The following MAP3K12 variants were observed in gnomAD, a reference collection of about 807,000 sequenced individuals.
MAP3K12 encodes MAPK-upstream kinase.
A neutral mutation model predicts 87.5 loss-of-function variants in MAP3K12; 14 were observed. The ratio of observed to expected loss-of-function variants is 0.16; its 90% CI spans 0.11 to 0.25. MAP3K12 has a LOEUF of 0.25. MAP3K12 is among the 10% of genes least tolerant of loss of function. The probability of loss-of-function intolerance (pLI) is 1.00; values close to 1 mark genes in which losing one functional copy is unlikely to be tolerated. For synonymous variants in MAP3K12, 469 were observed against 452.5 expected (o/e 1.04, Z -0.46); for missense variants, 802 against 1,140.4 (o/e 0.70, Z 4.27).
rs1242814035 is a variant in MAP3K12, at chr12:53,486,669, T to A, written c.446-47A>T. ...CCACAAGCCTCAGAAAGAGCCACAC[T>A]CAAGGCCAGGGACAGGATAGCATTG... On this transcript the variant is annotated intron_variant, in intron 2 of 13. Transcript: ENST00000547488. This position sits in a 1 kb window ranked among gnomAD's most constrained non-coding sequence, Gnocchi z 4.9. 6 of 1,521,250 alleles carry A rather than the reference T, an allele frequency of 3.9e-6. No homozygotes were observed. Among genetic ancestry groups the A allele is most frequent in the Middle Eastern group, 1.8e-4 (1 of 5,518 alleles). The allele number at this position is 1,521,250 out of a possible 1,614,324, so 94.2% of individuals were successfully genotyped here.
At chr12:53,481,720 A>C in intron 13 of MAP3K12, 2 of 543,130 alleles carry the variant, frequency 3.7e-6, no homozygotes, top group Non-Finnish European at 6.5e-6. Context: ...TCCTTTCAGA[A>C]TCATTCCCTG....
At chr12:53,501,417 A>G (rs1158215824), upstream of MAP3K12, 2 of 1,566,480 alleles carry the variant, frequency 1.3e-6, no homozygotes, top group Non-Finnish European at 1.7e-6. Context: ...GAATGAGTGA[A>G]GAGGAGCAAG....
At position 53,483,600 on chromosome 12, in the gene MAP3K12, G is replaced by A. The variant is rs781377164; in HGVS notation, c.1475+7C>T. 3 of 1,613,744 alleles carry A rather than the reference G, an allele frequency of 1.9e-6. No individual in the cohort carries two copies. In the African/African-American group the frequency reaches 4.0e-5, roughly 22 times the overall value. On this transcript the variant is annotated splice_region_variant and intron_variant, in intron 9 of 13. Coordinates refer to ENST00000547488, the MANE Select transcript of MAP3K12 (RefSeq NM_001193511.2). ...AGGGCTTGGTGCATAAGGACAGGTA[G>A]GGTTACCTGAGCAGCTCCCTCTCCT...
Position 53,486,832 on chromosome 12 carries a change from G to A in MAP3K12, c.445+115C>T, listed in dbSNP as rs1048102157. 52 of 1,543,598 alleles carry A rather than the reference G, an allele frequency of 3.4e-5. No homozygotes were observed. Among genetic ancestry groups the A allele is most frequent in the Non-Finnish European group, 4.0e-5 (46 of 1,145,010 alleles). On this transcript the variant is annotated intron_variant, in intron 2 of 13. Coordinates refer to ENST00000547488, the MANE Select transcript of MAP3K12 (RefSeq NM_001193511.2). The surrounding 1 kb of genome is among the most constrained non-coding windows in gnomAD (Gnocchi z 4.9). Reference sequence around the variant, plus strand: ...GTTAGAGGCTGATGGATGGCTAAGGGACTAGGGCTGGGCCATGGGGAGGGA... The same window carrying A: ...GTTAGAGGCTGATGGATGGCTAAGGAACTAGGGCTGGGCCATGGGGAGGGA...
At chr12:53,501,108 G>A (rs898279949), upstream of MAP3K12, 6 of 469,140 alleles carry the variant, frequency 1.3e-5, no homozygotes, top group East Asian at 4.0e-5. Flanking sequence ...GAGGCGGGAC[G>A]GTATTACAAA....
At position 53,484,702 on chromosome 12, in the gene MAP3K12, T is replaced by C. The variant is rs1013221892; in HGVS notation, c.1140-337A>G. ...AACTTCCCTGGGTCTAGGTTCCAAA[T>C]GAGGGTCTGGGGTCCTTTCCTTCTG... On this transcript the variant is annotated intron_variant, in intron 6 of 13. Coordinates refer to ENST00000547488, the MANE Select transcript of MAP3K12 (RefSeq NM_001193511.2). 5.0e-5 allele frequency: 22 copies of C among 442,780 alleles called. 1 individual carries two copies. The Admixed American group carries it at 8.4e-4, about 17-fold the overall frequency. 27.4% of individuals were successfully genotyped at this position (442,780 alleles called of 1,614,324 possible).
intron 6 of MAP3K12, 110 bp downstream of exon 6, chr12:53,484,942 AAGTC>A (rs1943188709): frequency 7.4e-7 from 1 of 1,353,744 alleles, no homozygotes; most frequent in Admixed American, 2.0e-5. Flanking sequence ...ATTCAGATGA[AAGTC>A]AGTCTCTTTG....
intron 1 of MAP3K12, 22 bp downstream of exon 1, chr12:53,499,405 C>G (rs1273713170): frequency 6.6e-6 from 1 of 151,192 alleles, no homozygotes; most frequent in East Asian, 2.0e-4. Flanking sequence ...CCCACCCCCC[C>G]ACAACTCGGC....
chr12:53,501,139 G>A (rs969939592), upstream of MAP3K12: 6 of 546,766 alleles, frequency 1.1e-5, no homozygotes, highest in East Asian at 3.1e-5. Flanking sequence ...CGGCCTTCTC[G>A]AGAAGCGACG....
upstream of MAP3K12, chr12:53,501,347 G>T: frequency 6.5e-7 from 1 of 1,543,492 alleles, no homozygotes; most frequent in Non-Finnish European, 8.8e-7. Flanking sequence ...TAGCTCGTCG[G>T]CTGTGTATTG....
intron 1 of MAP3K12, among the ~76,000 whole-genome samples, chr12:53,490,127 A>G (rs568905538): frequency 1.3e-5 from 2 of 151,960 alleles, no homozygotes; most frequent in Admixed American, 1.3e-4. Context: ...ACATGGTGAA[A>G]CCCCGTCTCT....
At chr12:53,484,884 G>C (rs1215531546) in intron 6 of MAP3K12, 172 bp downstream of exon 6, 2 of 737,166 alleles carry the variant, frequency 2.7e-6, no homozygotes, top group Non-Finnish European at 4.4e-6. Context: ...GTTCAGAGTA[G>C]ATACCAATTA....
At chr12:53,491,896 A>C (rs957232152) in intron 1 of MAP3K12, among the ~76,000 whole-genome samples, 2 of 151,272 alleles carry the variant, frequency 1.3e-5, no homozygotes, top group South Asian at 2.1e-4. Context: ...GAACATGGGG[A>C]GAGCCTGTCT....
intron 1 of MAP3K12, among the ~76,000 whole-genome samples, chr12:53,497,924 A>G (rs1943574843): frequency 6.6e-6 from 1 of 152,196 alleles, no homozygotes; most frequent in Admixed American, 6.5e-5. Context: ...ATCCTACCAC[A>G]GTGTCACCAC....
chr12:53,483,524 C>T, intron 9 of MAP3K12, 38 bp from the exon 10 acceptor site: 1 of 1,613,814 alleles, frequency 6.2e-7, no homozygotes, highest in Non-Finnish European at 8.5e-7. Context: ...GGCAAATGAC[C>T]AGGAAGGGGC....
In MAP3K12 at chr12:53,487,229, G is replaced by C; in HGVS notation, c.163C>G (p.Leu55Val). 1 of 1,613,962 alleles carries C rather than the reference G, an allele frequency of 6.2e-7. No individual in the cohort carries two copies. The highest frequency in any genetic ancestry group is 1.6e-4 in the Middle Eastern group (1 of 6,062). ...TQCVLRDVVPLGGQGGGGPSP... is the reference protein window; with the variant it reads ...TQCVLRDVVPVGGQGGGGPSP... ...GGCCCTCCCCCACCCTGCCCACCAA[G>C]GGGTACCACATCTCGAAGTACACAC... The change falls in exon 2 of 14, where the codon CTT becomes GTT. Residue 55 changes from leucine to valine, a missense_variant. Coordinates refer to ENST00000547488, the MANE Select transcript of MAP3K12 (RefSeq NM_001193511.2).
rs552596171 is a variant in MAP3K12 at position 53,495,255 on chromosome 12, C to T, written c.-38+4172G>A. 3.3e-3 allele frequency among the ~76,000 whole-genome samples: 468 copies of T among 140,076 alleles called. 1 individual carries two copies. Among genetic ancestry groups the T allele is most frequent in the African/African-American group, 0.012 (440 of 38,052 alleles). 91.9% of individuals were successfully genotyped at this position (140,076 alleles called of 152,430 possible). On this transcript the variant is annotated intron_variant, in intron 1 of 13. Transcript: ENST00000547488. ...TCGGGAGGCTGAGGCAGGAGAATGG[C>T]GTGAACCCAGGGGGCGGAGCCTGCA...
chr12:53,487,364 G>A lies in MAP3K12; in HGVS notation c.28C>T (p.Pro10Ser), dbSNP rs1321507200. The A allele has an allele frequency of 4.3e-6, 7 of 1,613,364 alleles. No individual in the cohort carries two copies. Among genetic ancestry groups the A allele is most frequent in the Non-Finnish European group, 5.9e-6 (7 of 1,179,564 alleles). MACLHETRTPSPSFGGFVST... is the reference protein window; with the variant it reads MACLHETRTSSPSFGGFVST... The stretch of plus-strand genomic sequence containing the variant: ...ACAAAGCCCCCAAAGGAAGGAGAGG[G>A]TGTTCGGGTCTCATGGAGGCAAGCC... The change falls in exon 2 of 14, where the codon CCC (proline) becomes TCC (serine). Residue 10 changes from proline (P) to serine (S), a missense_variant. Pro to Ser is a moderately conservative substitution (Grantham distance 74). This residue lies in a region of MAP3K12 where 135 missense variants were observed against 151.6 expected (regional missense o/e 0.89). Transcript: ENST00000547488.
rs796169121 is a variant in MAP3K12, at chr12:53,491,301, A to AAAAAAAAAAAG, written c.-37-3874_-37-3873insCTTTTTTTTTT. ...AGACTCTGTCTCAAAAAAAAAAAAA[A>AAAAAAAAAAAG]AAAAGAAAAGAAAAGAAAAACAGGC... On this transcript the variant is annotated intron_variant, in intron 1 of 13. Coordinates refer to ENST00000547488, the MANE Select transcript of MAP3K12 (RefSeq NM_001193511.2). 6.0e-3 allele frequency among the ~76,000 whole-genome samples: 613 copies of AAAAAAAAAAAG among 101,478 alleles called. 84 individuals are homozygous for AAAAAAAAAAAG. The highest frequency in any genetic ancestry group is 0.016 in the African/African-American group (420 of 26,552). The allele number at this position is 101,478 out of a possible 152,430, so 66.6% of individuals were successfully genotyped here.
Sources: allele counts gnomAD v4.1 joint callset (sites outside exome capture counted in the v4.1 genomes callset), GRCh38; gene constraint gnomAD v4.1.1; regional missense constraint gnomAD v4.1.1; non-coding constraint Gnocchi (gnomAD v3.1); transcripts MANE v1.5; gene names NCBI Gene and HGNC (gene_info 2026-07-23, HGNC 2026-07-21).